The following OPA1 variants were observed in gnomAD, a reference collection of about 807,000 sequenced individuals.
OPA1 encodes the protein OPA1 mitochondrial dynamin like GTPase, also known as dynamin-like GTPase OPA1, mitochondrial.
In OPA1, 59 loss-of-function variants were observed where a neutral mutation model predicts 152.9. The observed-to-expected ratio is 0.39, with a 90% CI of 0.31 to 0.48. OPA1 has a LOEUF of 0.48. Among genes scored for constraint, OPA1 ranks in the 20% least tolerant of loss-of-function variants. The pLI, the probability that OPA1 is intolerant of heterozygous loss-of-function variation, is 0.96. For missense variants in OPA1, 1,008 were observed against 1,216.8 expected (o/e 0.83, Z 2.55); for synonymous variants, 400 against 389.9 (o/e 1.03, Z -0.31).
intron 9 of OPA1, among the ~76,000 whole-genome samples, chr3:193,636,112 C>A (rs1040608404): frequency 4.6e-5 from 7 of 152,098 alleles, no homozygotes; most frequent in African/African-American, 1.7e-4. Flanking sequence ...TAACTTAAAT[C>A]TCATATAAGT....
At chr3:193,622,831 C>T (rs1316385251) in intron 6 of OPA1, among the ~76,000 whole-genome samples, 13 of 152,136 alleles carry the variant, frequency 8.5e-5, no homozygotes, top group Admixed American at 7.2e-4. Flanking sequence ...TGATTTAACT[C>T]GGTAGAGTAG....
chr3:193,632,775 C>T (rs954320997), intron 8 of OPA1, among the ~76,000 whole-genome samples: 3 of 151,936 alleles, frequency 2.0e-5, no homozygotes, highest in South Asian at 2.1e-4. Flanking sequence ...GAGGCTAAGG[C>T]GGGAGGATCA....
intron 29 of OPA1, among the ~76,000 whole-genome samples, chr3:193,667,670 C>CAAAA (rs35232250): frequency 4.6e-4 from 43 of 93,270 alleles, no homozygotes; most frequent in African/African-American, 1.4e-3. Flanking sequence ...GATTCTGTCT[C>CAAAA]AAAAAAAAAA....
At chr3:193,687,616 C>T (rs181403926) in intron 29 of OPA1, among the ~76,000 whole-genome samples, 44 of 152,172 alleles carry the variant, frequency 2.9e-4, no homozygotes, top group African/African-American at 4.8e-4. Flanking sequence ...TTGAAAGCAC[C>T]GTGATACTGA....
intron 29 of OPA1, among the ~76,000 whole-genome samples, chr3:193,686,616 TTGTTTCCC>T (rs1466851869): frequency 9.2e-5 from 14 of 152,200 alleles, no homozygotes. Flanking sequence ...TTTCCTTTTT[TTGTTTCCC>T]CCACACCCTA....
At chr3:193,620,680 C>A (rs889689149) in intron 6 of OPA1, among the ~76,000 whole-genome samples, 1 of 152,076 alleles carries the variant, frequency 6.6e-6, no homozygotes, top group Admixed American at 6.5e-5. Context: ...AAGCTACTTT[C>A]ATTACTGGTT....
intron 3 of OPA1, among the ~76,000 whole-genome samples, chr3:193,616,910 G>A (rs184453881): frequency 1.2e-4 from 18 of 152,258 alleles, no homozygotes; most frequent in Non-Finnish European, 1.6e-4. Context: ...TATTAATGAG[G>A]AGAGCTTTCA....
At chr3:193,687,296 A>C (rs1032024095) in intron 29 of OPA1, among the ~76,000 whole-genome samples, 4 of 152,226 alleles carry the variant, frequency 2.6e-5, no homozygotes, top group African/African-American at 9.7e-5. Context: ...ATCAAGAAGC[A>C]CAGTGAATTG....
Position 193,655,280 on chromosome 3 carries a change from C to G in OPA1, c.2178+253C>G, listed in dbSNP as rs76855292. 0.059 allele frequency among the ~76,000 whole-genome samples: 9,030 copies of G among 152,194 alleles called. 357 individuals carry two copies. Among genetic ancestry groups the G allele is most frequent in the Non-Finnish European group, 0.087 (5,913 of 67,996 alleles). Reference sequence around the variant, plus strand: ...TACTTCTTCCAAAGACAATATTTAACAAGCAAATTTTGCTTGAATATGAAA... The same window carrying G: ...TACTTCTTCCAAAGACAATATTTAAGAAGCAAATTTTGCTTGAATATGAAA... On this transcript the variant is annotated intron_variant, in intron 22 of 30. Coordinates refer to ENST00000361510, the MANE Select transcript of OPA1 (RefSeq NM_130837.3).
chr3:193,618,370 C>T (rs1349392310), intron 5 of OPA1, among the ~76,000 whole-genome samples: 3 of 151,596 alleles, frequency 2.0e-5, no homozygotes, highest in Non-Finnish European at 2.9e-5. Context: ...CCTAGCTACT[C>T]GGGAGGCTGA....
intron 29 of OPA1, among the ~76,000 whole-genome samples, chr3:193,683,432 A>T (rs190933243): frequency 2.4e-4 from 36 of 152,226 alleles, no homozygotes; most frequent in African/African-American, 8.4e-4. Context: ...TTGAGAAGAT[A>T]GTGTCCCAAT....
rs201242590 is a variant in OPA1, at chr3:193,637,236, C to G, written c.990C>G (p.Leu330=). ...IDMYSEVLDV[L]SDYDASYNTQ... is the part of the protein sequence containing the mutation. ...TGTATTCTGAAGTTCTTGATGTTCTCTCTGATTATGATGCCAGTTATAATA... is the reference window on the plus strand; with the variant it reads ...TGTATTCTGAAGTTCTTGATGTTCTGTCTGATTATGATGCCAGTTATAATA... The change falls in exon 10 of 31, where the codon CTC becomes CTG. Residue 330 remains leucine, a synonymous_variant. Coordinates refer to ENST00000361510, the MANE Select transcript of OPA1 (RefSeq NM_130837.3). The G allele has an allele frequency of 6.8e-6, 11 of 1,607,540 alleles. No homozygotes were observed. The South Asian group carries it at 1.2e-4, about 18-fold the overall frequency.
In OPA1 at chr3:193,617,730, C is replaced by T; in HGVS notation, c.557-54C>T. The T allele has an allele frequency of 2.3e-6, 3 of 1,313,054 alleles. No homozygotes were observed. The East Asian group carries it at 6.9e-5, about 30-fold the overall frequency. The allele number at this position is 1,313,054 out of a possible 1,614,324, so 81.3% of individuals were successfully genotyped here. On this transcript the variant is annotated intron_variant, in intron 4 of 30. Transcript: ENST00000361510. Reference sequence around the variant, plus strand: ...CTGAGATCTCAGACATCTTTGTTTGCTCATTTCTGTTAAATTTTACATTTC... The same window carrying T: ...CTGAGATCTCAGACATCTTTGTTTGTTCATTTCTGTTAAATTTTACATTTC...
Position 193,654,950 on chromosome 3 carries a change from TC to T in OPA1, c.2102del (p.Ser701Ter). 6.2e-7 allele frequency: 1 copy of T among 1,613,976 alleles called. No individual in the cohort carries two copies. The highest frequency in any genetic ancestry group is 8.5e-7 in the Non-Finnish European group (1 of 1,179,944). The stretch of plus-strand genomic sequence containing the variant: ...CCTTCCAGCTGCGCAGACCATGAAT[TC>T]AGGAACTTTTAACACCACAGTGGAT... ...IYLPAAQTMN[S>X]GTFNTTVDIK... is the part of the protein sequence containing the mutation. On this transcript the variant is annotated frameshift_variant, in exon 22 of 31. Transcript: ENST00000361510. LOFTEE classifies it high-confidence loss of function.
intron 25 of OPA1, among the ~76,000 whole-genome samples, chr3:193,662,316 CT>C (rs1192210621): frequency 6.6e-6 from 1 of 152,074 alleles, no homozygotes; most frequent in Non-Finnish European, 1.5e-5. Context: ...TATGAAAAAG[CT>C]TTTTAAAAAT....
intron 21 of OPA1, among the ~76,000 whole-genome samples, chr3:193,652,704 T>G (rs1712813593): frequency 6.6e-6 from 1 of 152,048 alleles, no homozygotes; most frequent in Admixed American, 6.5e-5. Context: ...GTAAAATGGT[T>G]TGTCATGGAA....
intron 23 of OPA1, among the ~76,000 whole-genome samples, chr3:193,658,671 A>G (rs1279807458): frequency 1.3e-5 from 2 of 152,246 alleles, no homozygotes; most frequent in Non-Finnish European, 2.9e-5. Flanking sequence ...AATTTGGGCC[A>G]GGAGAGAATC....
chr3:193,613,945 G>C, intron 1 of OPA1: 1 of 518,950 alleles, frequency 1.9e-6, no homozygotes, highest in South Asian at 1.4e-5. Context: ...CTTAGAATCA[G>C]ACTGGCCCTG....
intron 6 of OPA1, among the ~76,000 whole-genome samples, chr3:193,620,517 G>A (rs1309177240): frequency 6.6e-6 from 1 of 152,048 alleles, no homozygotes; most frequent in African/African-American, 2.4e-5. Flanking sequence ...TTTACTCTTT[G>A]CTTGTTTTGA....
Sources: allele counts gnomAD v4.1 joint callset (sites outside exome capture counted in the v4.1 genomes callset), GRCh38; gene constraint gnomAD v4.1.1; transcripts MANE v1.5; gene names NCBI Gene and HGNC (gene_info 2026-07-23, HGNC 2026-07-21).